The following PRH1 variants were observed in gnomAD, a reference collection of about 807,000 sequenced individuals.
The protein encoded by PRH1 is proline rich protein HaeIII subfamily 1.
Under a neutral mutation model 7.9 loss-of-function variants are expected in PRH1, and 7 were observed. The ratio of observed to expected loss-of-function variants is 0.89; its 90% confidence interval spans 0.50 to 1.67. The LOEUF is 1.67. Among genes scored for constraint, PRH1 ranks in the 40% most tolerant of loss-of-function variants. The probability of loss-of-function intolerance (pLI) is 0.00; values close to 1 mark genes in which losing one functional copy is unlikely to be tolerated. For synonymous variants in PRH1, 45 were observed against 80.8 expected (o/e 0.56, Z 2.38); for missense variants, 109 against 223.6 (o/e 0.49, Z 3.27).
intron 1 of PRH1, chr12:11,159,093 G>C (rs902395726): frequency 6.6e-6 from 1 of 152,366 alleles, no homozygotes; most frequent in Non-Finnish European, 1.5e-5. Context: ...TTCTTGGTGT[G>C]TCTCACTAAG....
At chr12:11,056,574 T>G (rs1219806137) in intron 1 of PRH1, among the ~76,000 whole-genome samples, 1 of 152,118 alleles carries the variant, frequency 6.6e-6, no homozygotes, top group Non-Finnish European at 1.5e-5. Flanking sequence ...TCCCAGCAAT[T>G]TGGCAGGCTG....
chr12:10,927,765 G>C (rs1206928405), intron 2 of PRH1, among the ~76,000 whole-genome samples: 1 of 152,102 alleles, frequency 6.6e-6, no homozygotes, highest in Non-Finnish European at 1.5e-5. Context: ...CTCCAACCAA[G>C]CTATCCTCAA....
At chr12:11,142,694 T>C (rs1946736107) in intron 1 of PRH1, among the ~76,000 whole-genome samples, 1 of 152,128 alleles carries the variant, frequency 6.6e-6, no homozygotes, top group African/African-American at 2.4e-5. Context: ...AAAGAAAGGA[T>C]TCTAAAGCAG....
chr12:11,012,145 T>C (rs912400988), intron 1 of PRH1, among the ~76,000 whole-genome samples: 12 of 152,188 alleles, frequency 7.9e-5, no homozygotes, highest in African/African-American at 2.9e-4. Context: ...TACACTTCTC[T>C]GTATGTGAAT....
intron 1 of PRH1, among the ~76,000 whole-genome samples, chr12:11,028,001 C>T (rs1422106690): frequency 2.0e-5 from 3 of 152,210 alleles, no homozygotes; most frequent in Admixed American, 6.5e-5. Flanking sequence ...TATGAGCACG[C>T]CTCAGTGGCA....
In PRH1 at chr12:11,084,869, G is replaced by C. The variant is rs1000019666; in HGVS notation, n.124-37681C>G. 8.1e-5 allele frequency among the ~76,000 whole-genome samples: 9 copies of C among 111,188 alleles called. 2 individuals are homozygous for C. Among genetic ancestry groups the C allele is most frequent in the Admixed American group, 1.8e-4 (2 of 10,956 alleles). 72.9% of individuals were successfully genotyped at this position (111,188 alleles called of 152,430 possible). On this transcript the variant is annotated intron_variant and non_coding_transcript_variant, in intron 1 of 4. Coordinates refer to the PRH1 transcript ENST00000541977. ...GCTCTGTTGCCCAGGCTGGAGTGCA[G>C]TGGCATGATCTTGGCTCACTGCAAG...
chr12:10,993,331 T>C (rs1284714064), intron 1 of PRH1, among the ~76,000 whole-genome samples: 1 of 152,200 alleles, frequency 6.6e-6, no homozygotes, highest in African/African-American at 2.4e-5. Flanking sequence ...TCAGTTTAAT[T>C]GGCATTTTGC....
intron 1 of PRH1, among the ~76,000 whole-genome samples, chr12:10,990,129 T>C (rs887870658): frequency 1.3e-5 from 2 of 152,092 alleles, no homozygotes; most frequent in African/African-American, 4.8e-5. Context: ...AACAGACACA[T>C]AGAGCAGCGA....
chr12:11,164,238 A>T (rs1344760794), intron 1 of PRH1, among the ~76,000 whole-genome samples: 1 of 152,186 alleles, frequency 6.6e-6, no homozygotes, highest in Non-Finnish European at 1.5e-5. Context: ...GGCATCAACC[A>T]ATCTGATGAG....
At chr12:11,119,262 A>G (rs1945821781), downstream of PRH1, among the ~76,000 whole-genome samples, 3 of 151,964 alleles carry the variant, frequency 2.0e-5, no homozygotes, top group Admixed American at 1.3e-4. Context: ...TGGTTAACAA[A>G]GGCTAGGAAA....
intron 1 of PRH1, among the ~76,000 whole-genome samples, chr12:11,009,944 G>A (rs536290252): frequency 1.3e-5 from 2 of 152,064 alleles, no homozygotes; most frequent in South Asian, 4.2e-4. Context: ...TAGAGAAGAT[G>A]TGAGGGCTTA....
chr12:10,924,050 C>T (rs1296470622), intron 2 of PRH1, among the ~76,000 whole-genome samples: 35 of 117,352 alleles, frequency 3.0e-4, no homozygotes, highest in Non-Finnish European at 4.5e-4. Flanking sequence ...GGCTGGAGTG[C>T]GATCTCAGCT....
At chr12:11,147,903 T>G (rs954886766) in intron 1 of PRH1, among the ~76,000 whole-genome samples, 3 of 151,536 alleles carry the variant, frequency 2.0e-5, no homozygotes, top group Non-Finnish European at 4.4e-5. Flanking sequence ...ACGATATTGA[T>G]TCTTCCTACC....
intron 1 of PRH1, chr12:11,092,073 C>T (rs1193539393): frequency 1.9e-6 from 3 of 1,550,620 alleles, no homozygotes; most frequent in East Asian, 2.2e-5. Flanking sequence ...ACTCTGGAGA[C>T]CGCCAGAGCA....
chr12:10,968,924 T>C (rs182454995), intron 2 of PRH1, among the ~76,000 whole-genome samples: 193 of 152,386 alleles, frequency 1.3e-3, no homozygotes, highest in Admixed American at 2.3e-3. Flanking sequence ...GTGGGCCCTT[T>C]GCCTTTTCGC....
At chr12:10,981,091 G>C (rs968682323) in intron 1 of PRH1, among the ~76,000 whole-genome samples, 2 of 152,146 alleles carry the variant, frequency 1.3e-5, no homozygotes, top group African/African-American at 4.8e-5. Context: ...TCAGGGCTGA[G>C]CCAATTCAGA....
chr12:10,958,670 T>C (rs1340904140), intron 2 of PRH1, among the ~76,000 whole-genome samples: 1 of 152,192 alleles, frequency 6.6e-6, no homozygotes, highest in Non-Finnish European at 1.5e-5. Flanking sequence ...ACGTTCAGTG[T>C]TGATATCTGA....
chr12:11,094,461 G>C (rs1272183965), intron 1 of PRH1, among the ~76,000 whole-genome samples: 2 of 114,300 alleles, frequency 1.7e-5, no homozygotes, highest in Non-Finnish European at 4.1e-5. Context: ...TGTTGTGTCA[G>C]GAATTCAGGA....
chr12:11,136,254 G>A (rs1859071320), intron 1 of PRH1, among the ~76,000 whole-genome samples: 1 of 152,158 alleles, frequency 6.6e-6, no homozygotes, highest in African/African-American at 2.4e-5. Flanking sequence ...CTTGTTGTTT[G>A]TGGCTTCTTG....
Sources: gnomAD v4.1 joint callset for allele counts (sites outside exome capture counted in the v4.1 genomes callset) on GRCh38, gnomAD v4.1.1 for gene constraint, MANE v1.5 for transcripts, NCBI Gene and HGNC (gene_info 2026-07-23, HGNC 2026-07-21) for gene names.